The following SPATA16 variants were observed in gnomAD, a reference collection of about 807,000 sequenced individuals.
SPATA16 encodes spermatogenesis-associated protein 16.
In SPATA16, 36 loss-of-function variants were observed where a neutral mutation model predicts 63.3. The observed-to-expected ratio is 0.57, with a 90% CI of 0.44 to 0.75. The LOEUF (loss-of-function observed/expected upper bound fraction) is 0.75, where lower values mean the gene tolerates loss of function less well. Among genes scored for constraint, SPATA16 ranks in the 30% least tolerant of loss-of-function variants. SPATA16 has a pLI of 0.00. For synonymous variants in SPATA16, 203 were observed against 216.7 expected (o/e 0.94, Z 0.56); for missense variants, 646 against 679.3 (o/e 0.95, Z 0.54).
At position 173,121,640 on chromosome 3, in the gene SPATA16, T is replaced by G. The variant is rs539630503; in HGVS notation, c.-18-3891A>C. ...AAATATACTTTACTCTTCTTGACAT[T>G]AGTTCAGTGCTTTGCATAGAGTAGG... On this transcript the variant is annotated intron_variant, in intron 1 of 10. Coordinates refer to ENST00000351008, the MANE Select transcript of SPATA16 (RefSeq NM_031955.6). Among the ~76,000 whole-genome samples the G allele has an allele frequency of 1.3e-3, 198 of 152,300 alleles. 10 individuals carry two copies. The South Asian group carries it at 0.04, about 31-fold the overall frequency.
At chr3:172,930,450 C>T (rs1453841045) in intron 6 of SPATA16, among the ~76,000 whole-genome samples, 2 of 152,064 alleles carry the variant, frequency 1.3e-5, no homozygotes, top group Non-Finnish European at 2.9e-5. Context: ...CCCATTTTTC[C>T]TTTATTCAGT....
chr3:172,918,006 C>T (rs1004168832), intron 8 of SPATA16, among the ~76,000 whole-genome samples: 1 of 152,062 alleles, frequency 6.6e-6, no homozygotes, highest in Non-Finnish European at 1.5e-5. Flanking sequence ...TGTCTTCTTA[C>T]TCACACTAAT....
intron 4 of SPATA16, among the ~76,000 whole-genome samples, chr3:172,988,722 C>T (rs1227217655): frequency 1.3e-5 from 2 of 152,158 alleles, no homozygotes; most frequent in African/African-American, 2.4e-5. Flanking sequence ...CTGCAACCTC[C>T]GCCTCCCTGG....
chr3:173,083,698 TCA>T, intron 2 of SPATA16, among the ~76,000 whole-genome samples: 1 of 152,294 alleles, frequency 6.6e-6, no homozygotes. Flanking sequence ...GTTTATGTGT[TCA>T]CATTGTTCAG....
intron 3 of SPATA16, among the ~76,000 whole-genome samples, chr3:173,038,802 A>G (rs1453108908): frequency 2.0e-5 from 3 of 152,196 alleles, no homozygotes; most frequent in Non-Finnish European, 4.4e-5. Flanking sequence ...CAAGGGTGAC[A>G]TTAAGGCTGA....
chr3:173,067,566 A>G (rs1052290972), intron 2 of SPATA16, among the ~76,000 whole-genome samples: 2 of 152,174 alleles, frequency 1.3e-5, no homozygotes, highest in African/African-American at 4.8e-5. Flanking sequence ...CATGTAATAA[A>G]CCTGCACGCA....
At chr3:172,920,919 G>A (rs987375148) in intron 8 of SPATA16, among the ~76,000 whole-genome samples, 2 of 152,102 alleles carry the variant, frequency 1.3e-5, no homozygotes, top group African/African-American at 4.8e-5. Context: ...GAATGCTGAA[G>A]TTTTAATGCA....
At chr3:173,105,837 CT>C (rs1737610490) in intron 2 of SPATA16, among the ~76,000 whole-genome samples, 1 of 150,612 alleles carries the variant, frequency 6.6e-6, no homozygotes, top group Admixed American at 6.6e-5. Context: ...TCTTTCCTTT[CT>C]CTCTCTCTTT....
intron 1 of SPATA16, among the ~76,000 whole-genome samples, chr3:173,138,279 A>G (rs1176964208): frequency 3.3e-5 from 5 of 152,180 alleles, no homozygotes; most frequent in Admixed American, 3.3e-4. Context: ...GGAATTTCCT[A>G]AGGAAAGTTA....
At chr3:173,132,656 T>C (rs1328207845) in intron 1 of SPATA16, among the ~76,000 whole-genome samples, 2 of 152,154 alleles carry the variant, frequency 1.3e-5, no homozygotes, top group African/African-American at 4.8e-5. Flanking sequence ...CTGTATTAGA[T>C]TGGAAGAAGT....
chr3:172,941,478 G>T (rs1243584937), intron 6 of SPATA16, among the ~76,000 whole-genome samples: 1 of 152,158 alleles, frequency 6.6e-6, no homozygotes, highest in Non-Finnish European at 1.5e-5. Flanking sequence ...ATCTACAAAG[G>T]AATGAGATCT....
At chr3:173,132,479 G>A (rs906498046) in intron 1 of SPATA16, among the ~76,000 whole-genome samples, 5 of 152,130 alleles carry the variant, frequency 3.3e-5, no homozygotes, top group Non-Finnish European at 7.4e-5. Context: ...AATATTGACT[G>A]TTGTCACTTG....
intron 1 of SPATA16, among the ~76,000 whole-genome samples, chr3:173,125,059 C>T (rs1197309500): frequency 2.0e-5 from 3 of 152,082 alleles, no homozygotes; most frequent in African/African-American, 7.2e-5. Flanking sequence ...TTAACAATAC[C>T]AAATATACAT....
At chr3:173,093,363 G>A (rs1367315876) in intron 2 of SPATA16, among the ~76,000 whole-genome samples, 1 of 152,046 alleles carries the variant, frequency 6.6e-6, no homozygotes, top group Non-Finnish European at 1.5e-5. Flanking sequence ...GCCATGTACT[G>A]TCACAGTACA....
intron 2 of SPATA16, among the ~76,000 whole-genome samples, chr3:173,085,703 T>G (rs1737033681): frequency 6.6e-6 from 1 of 152,190 alleles, no homozygotes; most frequent in Non-Finnish European, 1.5e-5. Flanking sequence ...ACACCTAGTT[T>G]ATTGAGAGTT....
At chr3:173,030,045 A>G (rs1735564652) in intron 3 of SPATA16, among the ~76,000 whole-genome samples, 1 of 148,654 alleles carries the variant, frequency 6.7e-6, no homozygotes, top group Non-Finnish European at 1.5e-5. Flanking sequence ...TTGAAGACAG[A>G]GTGGTTACTT....
At chr3:173,083,067 A>G (rs1736962358) in intron 2 of SPATA16, among the ~76,000 whole-genome samples, 1 of 152,126 alleles carries the variant, frequency 6.6e-6, no homozygotes, top group Admixed American at 6.5e-5. Context: ...CATTTATAAA[A>G]TTTATGTGTT....
At chr3:172,998,964 T>C (rs1734755437) in intron 4 of SPATA16, among the ~76,000 whole-genome samples, 1 of 152,202 alleles carries the variant, frequency 6.6e-6, no homozygotes, top group Non-Finnish European at 1.5e-5. Flanking sequence ...TTGTTGAAGA[T>C]TTTTGTTCAT....
At position 172,925,428 on chromosome 3, in the gene SPATA16, A is replaced by G; in HGVS notation, c.1146T>C (p.Tyr382=). 6.2e-7 allele frequency: 1 copy of G among 1,613,960 alleles called. No homozygotes were observed. The highest frequency in any genetic ancestry group is 8.5e-7 in the Non-Finnish European group (1 of 1,179,942). The change falls in exon 7 of 11, where the codon TAT becomes TAC. Residue 382 remains tyrosine (Y), a synonymous_variant. Transcript: ENST00000351008. The stretch of plus-strand genomic sequence containing the variant: ...TGTTTTTGAACCCAAGAGTCAAGAG[A>G]TATTGTTGGGGAGGAAAAGATGACC... ...VDWSSFPPQQ[Y]LLTLGFKNKD...
Sources: gnomAD v4.1 joint callset for allele counts (sites outside exome capture counted in the v4.1 genomes callset) on GRCh38, gnomAD v4.1.1 for gene constraint, MANE v1.5 for transcripts, NCBI Gene and HGNC (gene_info 2026-07-23, HGNC 2026-07-21) for gene names.